Variants in GYG1 observed in about 807,000 individuals in gnomAD.
GYG1 encodes glycogenin 1.
A neutral mutation model predicts 41.9 loss-of-function variants in GYG1; 44 were observed. The observed-to-expected ratio is 1.05, with a 90% CI of 0.83 to 1.35. The LOEUF (loss-of-function observed/expected upper bound fraction) is 1.35, where lower values mean the gene tolerates loss of function less well. GYG1 is among the 40% of genes most tolerant of loss of function. The probability of loss-of-function intolerance (pLI) is 0.00; values close to 1 mark genes in which losing one functional copy is unlikely to be tolerated. For missense variants in GYG1, 429 were observed against 418.9 expected (o/e 1.02, Z -0.21); for synonymous variants, 141 against 158.1 (o/e 0.89, Z 0.81).
intron 1 of GYG1, among the ~76,000 whole-genome samples, chr3:148,993,861 G>A (rs1712633228): frequency 6.6e-6 from 1 of 152,116 alleles, no homozygotes. Flanking sequence ...CAAACTCTTG[G>A]TATTAAGCTA....
intron 4 of GYG1, among the ~76,000 whole-genome samples, chr3:149,006,635 C>T (rs1298272277): frequency 1.3e-5 from 2 of 152,292 alleles, no homozygotes; most frequent in East Asian, 3.9e-4. Context: ...ATCCATATAC[C>T]TGCTGAGTGA....
At chr3:149,018,272 G>A (rs1031824190) in intron 5 of GYG1, among the ~76,000 whole-genome samples, 3 of 152,154 alleles carry the variant, frequency 2.0e-5, no homozygotes, top group African/African-American at 7.2e-5. Context: ...TTCAAGACCT[G>A]TTGCTCATTC....
rs1430780347 is a variant in GYG1, at chr3:149,028,364, T to TG, written c.*1432dup. ...GAATTATAAAATATTAAATGATAAA[T>TG]GACTTCTGAAACTAGCTATTTGGAC... On this transcript the variant is annotated 3_prime_UTR_variant, in exon 8 of 8. Coordinates refer to ENST00000345003, the MANE Select transcript of GYG1 (RefSeq NM_004130.4). Among the ~76,000 whole-genome samples the TG allele has an allele frequency of 7.2e-5, 11 of 152,210 alleles. No individual in the cohort carries two copies. Among genetic ancestry groups the TG allele is most frequent in the African/African-American group, 2.4e-4 (10 of 41,456 alleles).
intron 4 of GYG1, among the ~76,000 whole-genome samples, chr3:149,008,588 A>C (rs1437740648): frequency 1.3e-5 from 2 of 152,178 alleles, no homozygotes; most frequent in Non-Finnish European, 2.9e-5. Context: ...AGCTCAAGCC[A>C]CTTCCACGTG....
At chr3:149,018,621 C>G (rs71304440) in intron 5 of GYG1, among the ~76,000 whole-genome samples, 16 of 152,272 alleles carry the variant, frequency 1.1e-4, no homozygotes, top group East Asian at 3.9e-4. Flanking sequence ...CTTCCCACCC[C>G]CAAAGGGCTC....
chr3:149,016,459 G>A (rs1231140031), intron 5 of GYG1, among the ~76,000 whole-genome samples: 1 of 152,044 alleles, frequency 6.6e-6, no homozygotes, highest in Non-Finnish European at 1.5e-5. Context: ...CTAGTGGCCT[G>A]GTGTTGTAAG....
chr3:149,004,998 T>C (rs772636054), intron 4 of GYG1, among the ~76,000 whole-genome samples: 10 of 152,306 alleles, frequency 6.6e-5, no homozygotes, highest in Non-Finnish European at 1.2e-4. Flanking sequence ...ATTTGGAAGT[T>C]CTACTTTACA....
At chr3:149,005,003 T>G (rs1713311600) in intron 4 of GYG1, among the ~76,000 whole-genome samples, 1 of 152,214 alleles carries the variant, frequency 6.6e-6, no homozygotes, top group South Asian at 2.1e-4. Context: ...GAAGTTCTAC[T>G]TTACAACTAC....
Position 149,030,905 on chromosome 3 carries a change from T to C in GYG1, c.*3972T>C, listed in dbSNP as rs573575601. ...TCAATGTGTGCCCTATAACACAACA[T>C]TGTCTCCGATCTCATCTTTCTATCA... On this transcript the variant is annotated 3_prime_UTR_variant, in exon 8 of 8. Coordinates refer to ENST00000345003, the MANE Select transcript of GYG1 (RefSeq NM_004130.4). 27 of 152,332 alleles carry C rather than the reference T, an allele frequency of 1.8e-4. No homozygotes were observed. Among genetic ancestry groups the C allele is most frequent in the East Asian group, 9.6e-4 (5 of 5,186 alleles). 9.4% of individuals were successfully genotyped at this position (152,332 alleles called of 1,614,324 possible).
chr3:149,003,112 T>C (rs1047852227), intron 4 of GYG1, among the ~76,000 whole-genome samples: 1 of 114,384 alleles, frequency 8.7e-6, no homozygotes, highest in Non-Finnish European at 1.7e-5. Flanking sequence ...TATTTTACTA[T>C]AATTTTTTTT....
At chr3:149,018,609 C>T (rs1031712970) in intron 5 of GYG1, among the ~76,000 whole-genome samples, 11 of 152,148 alleles carry the variant, frequency 7.2e-5, no homozygotes, top group Non-Finnish European at 1.5e-4. Flanking sequence ...CTTTTCTGCC[C>T]TCTTCCCACC....
In GYG1 at chr3:148,991,712, C is replaced by T. The variant is rs574986025; in HGVS notation, c.7+65C>T. ...CGGCTTCCTGCCCAGCCGCCGCCTC[C>T]CTTCTCCTCCGCCCTCAGCCCCGGA... On this transcript the variant is annotated intron_variant, in intron 1 of 7. Coordinates refer to ENST00000345003, the MANE Select transcript of GYG1 (RefSeq NM_004130.4). 2.5e-4 allele frequency: 314 copies of T among 1,259,286 alleles called. 2 individuals carry two copies. In the South Asian group the frequency reaches 3.8e-3, roughly 15 times the overall value. The allele number at this position is 1,259,286 out of a possible 1,614,324, so 78.0% of individuals were successfully genotyped here.
chr3:149,030,246 A>ATAAT lies in GYG1; in HGVS notation c.*3314_*3317dup, dbSNP rs1714887093. ...TTTTCTAAAGTTATTTTTCTATATA[A>ATAAT]TAATAAGACAACAGCATAGCATATA... On this transcript the variant is annotated 3_prime_UTR_variant, in exon 8 of 8. Transcript: ENST00000345003. The ATAAT allele has an allele frequency of 6.6e-6, 1 of 152,106 alleles. No individual in the cohort carries two copies. The highest frequency in any genetic ancestry group is 2.4e-5 in the African/African-American group (1 of 41,456). 9.4% of individuals were successfully genotyped at this position (152,106 alleles called of 1,614,324 possible).
At chr3:149,006,910 T>G (rs568288299) in intron 4 of GYG1, among the ~76,000 whole-genome samples, 5 of 152,256 alleles carry the variant, frequency 3.3e-5, no homozygotes, top group Non-Finnish European at 7.3e-5. Flanking sequence ...TACATTAATT[T>G]GCCTATTAGC....
At chr3:149,010,529 A>G (rs764188708) in intron 5 of GYG1, among the ~76,000 whole-genome samples, 8 of 151,810 alleles carry the variant, frequency 5.3e-5, no homozygotes, top group Non-Finnish European at 1.0e-4. Flanking sequence ...GTTTCACCGC[A>G]TTGTCCAGGC....
intron 4 of GYG1, 133 bp downstream of exon 4, chr3:148,997,037 T>C: frequency 6.9e-6 from 5 of 726,536 alleles, no homozygotes; most frequent in Non-Finnish European, 1.2e-5. Context: ...TTTTAAGTTG[T>C]GCTCTTCTGG....
At chr3:148,995,306 A>G (rs1306330029) in intron 2 of GYG1, among the ~76,000 whole-genome samples, 2 of 152,188 alleles carry the variant, frequency 1.3e-5, no homozygotes, top group Non-Finnish European at 2.9e-5. Flanking sequence ...TAACTTTGTG[A>G]TGTGTTTATT....
intron 4 of GYG1, 88 bp downstream of exon 4, chr3:148,996,992 A>T: frequency 4.0e-6 from 4 of 1,010,914 alleles, no homozygotes; most frequent in South Asian, 1.3e-5. Context: ...GCTGTGGTTT[A>T]TTCTGCCTGG....
rs1291325428 is a variant in GYG1, at chr3:149,027,290, CATGGCATCTGTT to C, written c.*358_*369del. The C allele has an allele frequency of 3.2e-6, 1 of 309,482 alleles. No homozygotes were observed. Among genetic ancestry groups the C allele is most frequent in the Non-Finnish European group, 6.2e-6 (1 of 162,262 alleles). 19.2% of individuals were successfully genotyped at this position (309,482 alleles called of 1,614,324 possible). On this transcript the variant is annotated 3_prime_UTR_variant, in exon 8 of 8. Transcript: ENST00000345003. ...ATCAGTCACTCCCTTCAGAAGCAGA[CATGGCATCTGTT>C]CCTTGCTTGCTTGTTGGTTGTGTAC... is the stretch of plus-strand genomic sequence containing the variant.
Sources: gnomAD v4.1 joint callset for allele counts (sites outside exome capture counted in the v4.1 genomes callset) on GRCh38, gnomAD v4.1.1 for gene constraint, MANE v1.5 for transcripts, NCBI Gene and HGNC (gene_info 2026-07-23, HGNC 2026-07-21) for gene names.